Variants in DLG2 observed in about 807,000 individuals in gnomAD.
DLG2 encodes disks large homolog 2.
DLG2 carries 45 observed loss-of-function variants against 132.5 expected under a neutral mutation model. That is an observed-to-expected ratio of 0.34 (90% CI 0.27 to 0.44). DLG2 has a LOEUF of 0.44. Ranked by LOEUF, DLG2 falls within the 20% of genes least tolerant of loss-of-function variation. The probability of loss-of-function intolerance (pLI) is 1.00; values close to 1 mark genes in which losing one functional copy is unlikely to be tolerated. For missense variants in DLG2, 1,045 were observed against 1,196.9 expected (o/e 0.87, Z 1.87); for synonymous variants, 424 against 419.6 (o/e 1.01, Z -0.13).
At chr11:84,812,890 T>C (rs749255046) in intron 6 of DLG2, among the ~76,000 whole-genome samples, 1 of 152,106 alleles carries the variant, frequency 6.6e-6, no homozygotes, top group Admixed American at 6.6e-5. Flanking sequence ...TGTGATGCAA[T>C]TGTCGTTTTC....
At chr11:84,725,455 G>A (rs1011638736) in intron 6 of DLG2, among the ~76,000 whole-genome samples, 1 of 152,050 alleles carries the variant, frequency 6.6e-6, no homozygotes, top group Non-Finnish European at 1.5e-5. Context: ...CTTTAGTAGA[G>A]ATGTTTTCAT....
chr11:85,089,841 C>T (rs1472942746), intron 6 of DLG2, among the ~76,000 whole-genome samples: 1 of 152,086 alleles, frequency 6.6e-6, no homozygotes, highest in Admixed American at 6.6e-5. Context: ...CATCACTAAT[C>T]AACAGAGAAA....
intron 19 of DLG2, among the ~76,000 whole-genome samples, chr11:83,604,216 T>C (rs1042659281): frequency 3.3e-5 from 5 of 152,328 alleles, no homozygotes; most frequent in Middle Eastern, 3.4e-3. Context: ...AAATTTATCT[T>C]CAGCAGTTTA....
chr11:84,229,353 C>T (rs1326949580), intron 8 of DLG2, among the ~76,000 whole-genome samples: 3 of 152,262 alleles, frequency 2.0e-5, no homozygotes, highest in African/African-American at 4.8e-5. Flanking sequence ...TTTAATGAAG[C>T]GATGATACCA....
chr11:85,353,679 T>G (rs1279548548), intron 3 of DLG2, among the ~76,000 whole-genome samples: 1 of 152,152 alleles, frequency 6.6e-6, no homozygotes, highest in Non-Finnish European at 1.5e-5. Flanking sequence ...TGAGTTCATG[T>G]CCTTTGTAGG....
intron 6 of DLG2, among the ~76,000 whole-genome samples, chr11:84,866,712 C>T (rs1327207946): frequency 6.6e-6 from 1 of 152,154 alleles, no homozygotes; most frequent in Non-Finnish European, 1.5e-5. Context: ...GAAGACACAA[C>T]TTATCTCATA....
rs1194982635 is a variant in DLG2, at chr11:84,508,974, G to C, written c.519+25596C>G. On this transcript the variant is annotated intron_variant, in intron 7 of 27. Transcript: ENST00000376104. ...TCTTACTACCAATGTATAAAAATTAGGCACAAAATGTGGAAATAAATATTT... is the reference window on the plus strand; with the variant it reads ...TCTTACTACCAATGTATAAAAATTACGCACAAAATGTGGAAATAAATATTT... Among the ~76,000 whole-genome samples, 3 of 152,142 alleles carry C rather than the reference G, an allele frequency of 2.0e-5. 1 individual carries two copies. The highest frequency in any genetic ancestry group is 2.0e-4 in the Admixed American group (3 of 15,276).
intron 6 of DLG2, among the ~76,000 whole-genome samples, chr11:85,020,554 G>C (rs889770703): frequency 1.3e-5 from 2 of 152,102 alleles, no homozygotes; most frequent in African/African-American, 4.8e-5. Flanking sequence ...GTCCTGAATG[G>C]TACTGCCTAG....
At chr11:84,390,063 A>G (rs1229532178) in intron 7 of DLG2, among the ~76,000 whole-genome samples, 1 of 152,170 alleles carries the variant, frequency 6.6e-6, no homozygotes, top group Admixed American at 6.6e-5. Context: ...TTTGGATGCC[A>G]TATGTACTAT....
chr11:84,602,030 A>G (rs969106476), intron 6 of DLG2, among the ~76,000 whole-genome samples: 23 of 152,044 alleles, frequency 1.5e-4, no homozygotes, highest in African/African-American at 5.6e-4. Flanking sequence ...TCCATCAGAT[A>G]ATATAAAAGC....
At chr11:84,770,726 A>C (rs1033449228) in intron 6 of DLG2, among the ~76,000 whole-genome samples, 2 of 151,070 alleles carry the variant, frequency 1.3e-5, no homozygotes, top group African/African-American at 4.9e-5. Context: ...GCTCCCTGCA[A>C]GCTCTGCCTC....
intron 15 of DLG2, among the ~76,000 whole-genome samples, chr11:83,919,805 T>C (rs2077538275): frequency 1.3e-5 from 2 of 152,222 alleles, no homozygotes; most frequent in South Asian, 2.1e-4. Flanking sequence ...AGTTATTTTT[T>C]TCCCATAAGG....
chr11:84,518,626 C>T (rs951191319), intron 7 of DLG2, among the ~76,000 whole-genome samples: 1 of 152,206 alleles, frequency 6.6e-6, no homozygotes, highest in Middle Eastern at 3.4e-3. Flanking sequence ...AGGCCCATTT[C>T]ATTTGATCAT....
chr11:84,271,162 A>G (rs747070026), intron 7 of DLG2, among the ~76,000 whole-genome samples: 1 of 152,216 alleles, frequency 6.6e-6, no homozygotes, highest in Non-Finnish European at 1.5e-5. Flanking sequence ...TTTCTAAAAG[A>G]AGCTCTCATG....
intron 19 of DLG2, among the ~76,000 whole-genome samples, chr11:83,555,408 T>C (rs577045753): frequency 3.9e-5 from 6 of 152,296 alleles, no homozygotes; most frequent in African/African-American, 9.6e-5. Flanking sequence ...TGGAGAACCA[T>C]AGATTGGGCA....
chr11:85,250,814 G>A (rs1435497392), intron 4 of DLG2, among the ~76,000 whole-genome samples: 1 of 152,104 alleles, frequency 6.6e-6, no homozygotes, highest in East Asian at 1.9e-4. Flanking sequence ...CCTATAAGGA[G>A]CCCTAAAATG....
intron 8 of DLG2, among the ~76,000 whole-genome samples, chr11:84,173,616 G>T (rs2095871930): frequency 6.6e-6 from 1 of 152,132 alleles, no homozygotes; most frequent in African/African-American, 2.4e-5. Context: ...TCTTTTACTT[G>T]AGTATAATAT....
intron 9 of DLG2, among the ~76,000 whole-genome samples, chr11:84,136,171 A>T (rs542705355): frequency 4.6e-5 from 7 of 152,236 alleles, no homozygotes; most frequent in Non-Finnish European, 7.4e-5. Flanking sequence ...ATATTGAGTA[A>T]CTTACTTAAC....
chr11:84,454,262 G>A (rs531746060), intron 7 of DLG2, among the ~76,000 whole-genome samples: 6 of 151,446 alleles, frequency 4.0e-5, no homozygotes, highest in Non-Finnish European at 7.4e-5. Flanking sequence ...AAAAATTTAG[G>A]AGCTATTCTC....
Sources: allele counts gnomAD v4.1 joint callset (sites outside exome capture counted in the v4.1 genomes callset), GRCh38; gene constraint gnomAD v4.1.1; transcripts MANE v1.5; gene names NCBI Gene and HGNC (gene_info 2026-07-23, HGNC 2026-07-21).